The following RBM26 variants were observed in gnomAD, a reference collection of about 807,000 sequenced individuals.
RBM26 encodes the protein RNA binding motif protein 26.
Under a neutral mutation model 123.6 loss-of-function variants are expected in RBM26, and 30 were observed. The ratio of observed to expected loss-of-function variants is 0.24; its 90% CI spans 0.18 to 0.33. The LOEUF is 0.33. Ranked by LOEUF, RBM26 falls within the 10% of genes least tolerant of loss-of-function variation. The probability of loss-of-function intolerance (pLI) is 1.00; values close to 1 mark genes in which losing one functional copy is unlikely to be tolerated. For synonymous variants in RBM26, 400 were observed against 404.4 expected (o/e 0.99, Z 0.13); for missense variants, 947 against 1,203.6 (o/e 0.79, Z 3.15).
intron 3 of RBM26, among the ~76,000 whole-genome samples, chr13:79,372,921 T>C (rs9601223): frequency 0.29 from 10,154 of 34,732 alleles, 62 homozygotes; most frequent in East Asian, 0.47. Flanking sequence ...ACATATTTTA[T>C]ATAATATATA....
chr13:79,314,904 T>G, downstream of RBM26: 3 of 919,424 alleles, frequency 3.3e-6, no homozygotes, highest in Non-Finnish European at 4.6e-6. Context: ...AATAATAGGA[T>G]GATATTATTG....
rs1186935353 is a variant in RBM26, at chr13:79,371,127, C to T, written c.452G>A (p.Arg151His). 3 of 1,613,806 alleles carry T rather than the reference C, an allele frequency of 1.9e-6. No homozygotes were observed. Among genetic ancestry groups the T allele is most frequent in the South Asian group, 1.1e-5 (1 of 91,074 alleles). ...RDERKKDDRS[R>H]KRDYDRNPPR... Reference sequence around the variant, plus strand: ...AGGGTTTCGATCATAATCTCTTTTGCGAGAACGATCATCTTTTTTCCTCTC... The same window carrying T: ...AGGGTTTCGATCATAATCTCTTTTGTGAGAACGATCATCTTTTTTCCTCTC... Residue 151 changes from arginine to histidine, a missense_variant, in exon 5 of 22, where the codon CGC becomes CAC. Transcript: ENST00000438737.
At chr13:79,329,242 GTGTA>G (rs764269945) in intron 20 of RBM26, among the ~76,000 whole-genome samples, 2 of 151,918 alleles carry the variant, frequency 1.3e-5, no homozygotes, top group African/African-American at 4.8e-5. Context: ...GTGTATATAT[GTGTA>G]TGTATTAAAA....
chr13:79,378,925 T>C lies in RBM26; in HGVS notation c.72-18A>G, dbSNP rs558775392. 1.3e-5 allele frequency: 19 copies of C among 1,497,976 alleles called. No homozygotes were observed. In the East Asian group the frequency reaches 4.1e-4, roughly 32 times the overall value. 92.8% of individuals were successfully genotyped at this position (1,497,976 alleles called of 1,614,324 possible). A position where few individuals can be genotyped will look rare whatever the true frequency, so the allele number is the denominator to read the frequency against. ...CATCACAGCTAAAGAAAAAAACCAATGTTGAAGAAAATTTAGCCAACTGCA... is the reference window on the plus strand; with the variant it reads ...CATCACAGCTAAAGAAAAAAACCAACGTTGAAGAAAATTTAGCCAACTGCA... On this transcript the variant is annotated intron_variant, in intron 1 of 21. Transcript: ENST00000438737.
chr13:79,368,494 T>C (rs926689982), intron 6 of RBM26, among the ~76,000 whole-genome samples: 1 of 152,220 alleles, frequency 6.6e-6, no homozygotes, highest in African/African-American at 2.4e-5. Flanking sequence ...ACTCATTTGG[T>C]AAACTCCCAC....
chr13:79,359,506 A>T (rs559554766), intron 10 of RBM26, 69 bp downstream of exon 10: 32 of 739,410 alleles, frequency 4.3e-5, no homozygotes, highest in Middle Eastern at 4.8e-4. Context: ...CCATATTGTC[A>T]TAATAATACA....
At chr13:79,343,419 G>C (rs2071763523) in intron 16 of RBM26, among the ~76,000 whole-genome samples, 2 of 151,868 alleles carry the variant, frequency 1.3e-5, no homozygotes. Flanking sequence ...GATGGCTTCA[G>C]TTTTTGGTTT....
chr13:79,371,759 C>T (rs191843734), intron 4 of RBM26, 83 bp downstream of exon 4: 16 of 951,436 alleles, frequency 1.7e-5, no homozygotes, highest in East Asian at 2.4e-5. Flanking sequence ...CTTGCCTCTG[C>T]GTAAAAGATA....
Position 79,341,247 on chromosome 13 carries a change from A to T in RBM26, c.2428-20T>A. 1 of 1,500,036 alleles carries T rather than the reference A, an allele frequency of 6.7e-7. No homozygotes were observed. Among genetic ancestry groups the T allele is most frequent in the Non-Finnish European group, 9.2e-7 (1 of 1,082,270 alleles). The allele number at this position is 1,500,036 out of a possible 1,614,324, so 92.9% of individuals were successfully genotyped here. A position where few individuals can be genotyped will look rare whatever the true frequency, so the allele number is the denominator to read the frequency against. On this transcript the variant is annotated intron_variant, in intron 17 of 21. Coordinates refer to ENST00000438737, the MANE Select transcript of RBM26 (RefSeq NM_001366735.2). The stretch of plus-strand genomic sequence containing the variant: ...CTGCATCTAAAAAATAGTAATTAAT[A>T]TTTTAGGTGACAGTAATTACTATCC...
intron 3 of RBM26, among the ~76,000 whole-genome samples, chr13:79,374,912 A>G (rs1319558169): frequency 2.0e-5 from 3 of 151,496 alleles, no homozygotes; most frequent in Non-Finnish European, 4.4e-5. Context: ...AGATAATAAG[A>G]CTAAGGCTTT....
At chr13:79,402,793 C>T (rs2079161474) in intron 1 of RBM26, among the ~76,000 whole-genome samples, 1 of 152,034 alleles carries the variant, frequency 6.6e-6, no homozygotes, top group Non-Finnish European at 1.5e-5. Context: ...CCTGATGTTC[C>T]CAGACTTCAA....
At chr13:79,358,536 T>A in intron 10 of RBM26, 103 bp from the exon 11 acceptor site, 1 of 923,042 alleles carries the variant, frequency 1.1e-6, no homozygotes, top group Non-Finnish European at 1.6e-6. Flanking sequence ...TAAGTTCAAT[T>A]TTCCCCCAAA....
chr13:79,351,476 T>C (rs977498268), intron 14 of RBM26, among the ~76,000 whole-genome samples: 22 of 151,858 alleles, frequency 1.4e-4, no homozygotes, highest in African/African-American at 5.3e-4. Context: ...CTAAATTTAG[T>C]AGCACAGACT....
chr13:79,318,254 TA>T (rs565772303), downstream of RBM26, among the ~76,000 whole-genome samples: 423 of 144,838 alleles, frequency 2.9e-3, 1 homozygote, highest in African/African-American at 5.9e-3. Context: ...AACGTAGAGT[TA>T]AAAAAAAAAA....
chr13:79,340,496 T>C (rs1179551895), intron 18 of RBM26, among the ~76,000 whole-genome samples: 1 of 152,080 alleles, frequency 6.6e-6, no homozygotes, highest in Admixed American at 6.5e-5. Context: ...ATGTGCCAAC[T>C]ATATTAATGA....
intron 9 of RBM26, 63 bp from the exon 10 acceptor site, chr13:79,359,749 GATACCTTCCTCATAC>G: frequency 1.1e-5 from 8 of 731,700 alleles, no homozygotes; most frequent in South Asian, 7.8e-5. Flanking sequence ...ATTTATCATA[GATACCTTCCTCATAC>G]AGGAAAATTT....
In RBM26 at chr13:79,371,154, T is replaced by A. The variant is rs1191828241; in HGVS notation, c.425A>T (p.Asp142Val). 4 of 1,613,206 alleles carry A rather than the reference T, an allele frequency of 2.5e-6. No homozygotes were observed. In the Admixed American group the frequency reaches 6.7e-5, roughly 27 times the overall value. ...AGAACGATCATCTTTTTTCCTCTCA[T>A]CACGGCTTCTAAAGAAATATGTGAT... ...SSRYRENRSR[D>V]ERKKDDRSRK... Residue 142 changes from aspartate to valine, a missense_variant, in exon 5 of 22, where the codon GAT becomes GTT. Asp to Val is a radical substitution (Grantham distance 152). Transcript: ENST00000438737.
At chr13:79,340,541 T>C (rs546754961) in intron 18 of RBM26, among the ~76,000 whole-genome samples, 10 of 152,168 alleles carry the variant, frequency 6.6e-5, no homozygotes, top group African/African-American at 1.9e-4. Context: ...GTTCCAATCT[T>C]TGAACCTCTT....
At chr13:79,405,463 GACGGTCTATATATA>G (rs1185308779) in intron 1 of RBM26, among the ~76,000 whole-genome samples, 1 of 151,888 alleles carries the variant, frequency 6.6e-6, no homozygotes, top group Non-Finnish European at 1.5e-5. Flanking sequence ...GGGGGTTGGA[GACGGTCTATATATA>G]ACGGGAAAAC....
Sources: gnomAD v4.1 joint callset for allele counts (sites outside exome capture counted in the v4.1 genomes callset) on GRCh38, gnomAD v4.1.1 for gene constraint, MANE v1.5 for transcripts, NCBI Gene and HGNC (gene_info 2026-07-23, HGNC 2026-07-21) for gene names.